The following KCNQ2 variants were observed in gnomAD, a reference collection of about 807,000 sequenced individuals.
The protein encoded by KCNQ2 is potassium voltage-gated channel subfamily KQT member 2.
Under a neutral mutation model 84.8 loss-of-function variants are expected in KCNQ2, and 14 were observed. The observed-to-expected ratio is 0.17, with a 90% confidence interval of 0.11 to 0.26. KCNQ2 has a LOEUF of 0.26. Among genes scored for constraint, KCNQ2 ranks in the 10% least tolerant of loss-of-function variants. The pLI is 1.00. For missense variants in KCNQ2, 788 were observed against 1,254.0 expected (o/e 0.63, Z 5.61); for synonymous variants, 599 against 554.1 (o/e 1.08, Z -1.14).
At position 63,408,334 on chromosome 20, in the gene KCNQ2, T is replaced by TGAAGCCCACACTGC. The variant is rs1333093062; in HGVS notation, c.1887+65_1887+78dup. The TGAAGCCCACACTGC allele has an allele frequency of 6.4e-7, 1 of 1,573,542 alleles. No homozygotes were observed. Among genetic ancestry groups the TGAAGCCCACACTGC allele is most frequent in the Non-Finnish European group, 8.6e-7 (1 of 1,160,256 alleles). On this transcript the variant is annotated intron_variant, in intron 16 of 16. Coordinates refer to ENST00000359125, the MANE Select transcript of KCNQ2 (RefSeq NM_172107.4). The surrounding 1 kb of genome is among the most constrained non-coding windows in gnomAD (Gnocchi z 5.0). ...GGAGCCCTCCGTGGCACCCAGCCCC[T>TGAAGCCCACACTGC]GAAGCCCACACTGCCACAGGTTGAC...
intron 1 of KCNQ2, chr20:63,449,439 CA>C (rs1301461994): frequency 6.6e-6 from 1 of 152,364 alleles, no homozygotes; most frequent in African/African-American, 2.4e-5. Flanking sequence ...GGCTGTGACA[CA>C]AGCTGCCACG....
chr20:63,465,951 A>T (rs1371424170), intron 1 of KCNQ2, among the ~76,000 whole-genome samples: 1 of 151,982 alleles, frequency 6.6e-6, no homozygotes, highest in African/African-American at 2.4e-5. Context: ...TGCCGTCCCG[A>T]GGCGGCCCGG....
At position 63,472,107 on chromosome 20, in the gene KCNQ2, G is replaced by C. The variant is rs549069707; in HGVS notation, c.296+61C>G. ...CGCAGCCAGCCTGGCCGGGGTCGCC[G>C]ATGGGGTCGCCGATGGGGGTCGCCA... On this transcript the variant is annotated intron_variant, in intron 1 of 16. Coordinates refer to ENST00000359125, the MANE Select transcript of KCNQ2 (RefSeq NM_172107.4). The C allele has an allele frequency of 9.1e-4, 1,169 of 1,278,868 alleles. 4 individuals are homozygous for C. The highest frequency in any genetic ancestry group is 3.6e-3 in the Middle Eastern group (17 of 4,762). 79.2% of individuals were successfully genotyped at this position (1,278,868 alleles called of 1,614,324 possible). A position where few individuals can be genotyped will look rare whatever the true frequency, so the allele number is the denominator to read the frequency against.
At position 63,442,395 on chromosome 20, in the gene KCNQ2, C is replaced by T. The variant is rs779253290; in HGVS notation, c.816+11G>A. 37 of 1,613,710 alleles carry T rather than the reference C, an allele frequency of 2.3e-5. No individual in the cohort carries two copies. The highest frequency in any genetic ancestry group is 3.0e-5 in the Non-Finnish European group (35 of 1,179,950). On this transcript the variant is annotated intron_variant, in intron 5 of 16. Coordinates refer to ENST00000359125, the MANE Select transcript of KCNQ2 (RefSeq NM_172107.4). Reference sequence around the variant, plus strand: ...GCAGGGAAAGGGAAAACCACAATGACCACAACTCACCAGGCCCCACCAGAG... The same window carrying T: ...GCAGGGAAAGGGAAAACCACAATGATCACAACTCACCAGGCCCCACCAGAG...
Position 63,438,571 on chromosome 20 carries a change from A to C in KCNQ2, c.1023+54T>G, listed in dbSNP as rs1251376911. The C allele has an allele frequency of 7.3e-6, 11 of 1,505,820 alleles. No homozygotes were observed. The highest frequency in any genetic ancestry group is 1.0e-5 in the Non-Finnish European group (11 of 1,083,408). The allele number at this position is 1,505,820 out of a possible 1,614,324, so 93.3% of individuals were successfully genotyped here. A position where few individuals can be genotyped will look rare whatever the true frequency, so the allele number is the denominator to read the frequency against. On this transcript the variant is annotated intron_variant, in intron 7 of 16. Coordinates refer to ENST00000359125, the MANE Select transcript of KCNQ2 (RefSeq NM_172107.4). The surrounding 1 kb of genome is among the most constrained non-coding windows in gnomAD (Gnocchi z 5.1). The stretch of plus-strand genomic sequence containing the variant: ...GCCCCAGCGGCCTCCACTCCTCAAC[A>C]AGGTGGGACCAGGACAAGGGCTGTG...
chr20:63,412,480 C>T (rs2080149408), intron 15 of KCNQ2, among the ~76,000 whole-genome samples: 1 of 152,188 alleles, frequency 6.6e-6, no homozygotes, highest in African/African-American at 2.4e-5. Context: ...AGCTGGAGCC[C>T]AGCGGGGTGA....
At position 63,406,686 on chromosome 20, in the gene KCNQ2, C is replaced by G; in HGVS notation, c.2577G>C (p.Glu859Asp). The G allele has an allele frequency of 6.2e-7, 1 of 1,604,996 alleles. No homozygotes were observed. The highest frequency in any genetic ancestry group is 8.5e-7 in the Non-Finnish European group (1 of 1,177,600). Residue 859 changes from glutamate to aspartate, a missense_variant, in exon 17 of 17, where the codon GAG becomes GAC. Coordinates refer to ENST00000359125, the MANE Select transcript of KCNQ2 (RefSeq NM_172107.4). Reference protein sequence around the residue: ...CGPPPRSATGEGPFGDVGWAG... With the variant: ...CGPPPRSATGDGPFGDVGWAG... ...CCCAGCCCACGTCACCAAAGGGACC[C>G]TCGCCGGTGGCCGAGCGTGGCGGGG...
At position 63,400,363 on chromosome 20, in the gene KCNQ2, T is replaced by TA. The variant is rs112662386; in HGVS notation, c.*6280dup. The TA allele has an allele frequency of 5.1e-3, 1,852 of 362,952 alleles. 28 individuals carry two copies. The highest frequency in any genetic ancestry group is 0.035 in the African/African-American group (1,699 of 47,978). 22.5% of individuals were successfully genotyped at this position (362,952 alleles called of 1,614,324 possible). On this transcript the variant is annotated 3_prime_UTR_variant, in exon 17 of 17. Coordinates refer to ENST00000359125, the MANE Select transcript of KCNQ2 (RefSeq NM_172107.4). The surrounding 1 kb of genome is among the most constrained non-coding windows in gnomAD (Gnocchi z 8.7). ...CCGCAAACCCGCACTGGCGCATTCT[T>TA]ACGGCTCTGGCATCAACCTGTCCGT...
intron 14 of KCNQ2, 54 bp from the exon 15 acceptor site, chr20:63,413,635 G>T: frequency 1.9e-6 from 3 of 1,608,868 alleles, no homozygotes; most frequent in Non-Finnish European, 2.5e-6. Flanking sequence ...CCCGGCCACA[G>T]GCACCAGGAC....
chr20:63,414,315 C>T lies in KCNQ2; in HGVS notation c.1526-122G>A. 1.4e-6 allele frequency: 1 copy of T among 700,006 alleles called. No individual in the cohort carries two copies. Among genetic ancestry groups the T allele is most frequent in the South Asian group, 1.7e-5 (1 of 60,520 alleles). 43.4% of individuals were successfully genotyped at this position (700,006 alleles called of 1,614,324 possible). A position where few individuals can be genotyped will look rare whatever the true frequency, so the allele number is the denominator to read the frequency against. ...GCCCCTCGAGGCTCCCTGTGGTGCC[C>T]CTCGGGTGCACCTGCTTTTCTGGAA... On this transcript the variant is annotated intron_variant, in intron 13 of 16. Transcript: ENST00000359125. This position sits in a 1 kb window ranked among gnomAD's most constrained non-coding sequence, Gnocchi z 6.6.
At chr20:63,465,510 T>C (rs865991760) in intron 1 of KCNQ2, among the ~76,000 whole-genome samples, 8 of 151,956 alleles carry the variant, frequency 5.3e-5, no homozygotes, top group Middle Eastern at 3.2e-3. Flanking sequence ...CAGAGCCCAC[T>C]AGGGAGGCAG....
At position 63,408,145 on chromosome 20, in the gene KCNQ2, C is replaced by T. The variant is rs1299446972; in HGVS notation, c.1887+268G>A. On this transcript the variant is annotated intron_variant, in intron 16 of 16. Coordinates refer to ENST00000359125, the MANE Select transcript of KCNQ2 (RefSeq NM_172107.4). This position sits in a 1 kb window ranked among gnomAD's most constrained non-coding sequence, Gnocchi z 5.0. ...TTCCACAAGGAACCCCTGAGGGATCCACCTCTCAGCAGCCCCCACCCAGGA... is the reference window on the plus strand; with the variant it reads ...TTCCACAAGGAACCCCTGAGGGATCTACCTCTCAGCAGCCCCCACCCAGGA... 2 of 497,910 alleles carry T rather than the reference C, an allele frequency of 4.0e-6. No individual in the cohort carries two copies. The highest frequency in any genetic ancestry group is 7.4e-6 in the Non-Finnish European group (2 of 271,496). The allele number at this position is 497,910 out of a possible 1,614,324, so 30.8% of individuals were successfully genotyped here.
At position 63,456,095 on chromosome 20, in the gene KCNQ2, C is replaced by G. The variant is rs569136948; in HGVS notation, c.297-9258G>C. ...ACGGGCCCCCCACCTCCGGGAGGCC[C>G]CTCTGCCCACGGGCCCCCCACCTCC... On this transcript the variant is annotated intron_variant, in intron 1 of 16. Transcript: ENST00000359125. Among the ~76,000 whole-genome samples, 191 of 131,992 alleles carry G rather than the reference C, an allele frequency of 1.4e-3. 12 individuals carry two copies. The highest frequency in any genetic ancestry group is 5.4e-3 in the African/African-American group (178 of 32,988). 86.6% of individuals were successfully genotyped at this position (131,992 alleles called of 152,430 possible). A position where few individuals can be genotyped will look rare whatever the true frequency, so the allele number is the denominator to read the frequency against.
At chr20:63,435,895 G>GATC (rs74980506) in intron 7 of KCNQ2, among the ~76,000 whole-genome samples, 1 of 1,028 alleles carries the variant, frequency 9.7e-4, no homozygotes, top group Non-Finnish European at 1.9e-3. Context: ...CTCATCTCTC[G>GATC]AGAGTCCCCC....
At chr20:63,441,973 C>T (rs1568931474) in intron 5 of KCNQ2, among the ~76,000 whole-genome samples, 1 of 152,134 alleles carries the variant, frequency 6.6e-6, no homozygotes, top group African/African-American at 2.4e-5. Context: ...AGGAGGAGCC[C>T]AGGGGCCAGA....
At chr20:63,415,549 C>T (rs1317192131) in intron 12 of KCNQ2, among the ~76,000 whole-genome samples, 8 of 104,894 alleles carry the variant, frequency 7.6e-5, no homozygotes, top group Admixed American at 9.4e-5. Context: ...ACTGAGCACC[C>T]GGCGGGAGGG....
At chr20:63,448,213 T>C (rs2081491904) in intron 1 of KCNQ2, 1 of 152,260 alleles carries the variant, frequency 6.6e-6, no homozygotes, top group Non-Finnish European at 1.5e-5. Flanking sequence ...AGGAAGCAAA[T>C]GCTTTGTCTC....
intron 1 of KCNQ2, among the ~76,000 whole-genome samples, chr20:63,465,058 C>T (rs2082047435): frequency 6.6e-6 from 1 of 152,252 alleles, no homozygotes; most frequent in South Asian, 2.1e-4. Flanking sequence ...ACTGGGAAAC[C>T]TCTGGCCTGG....
intron 1 of KCNQ2, among the ~76,000 whole-genome samples, chr20:63,469,495 C>T (rs1194955912): frequency 6.6e-6 from 1 of 152,262 alleles, no homozygotes; most frequent in Admixed American, 6.5e-5. Context: ...CTGACGCCCA[C>T]CAAGCCCTGG....
Sources: gnomAD v4.1 joint callset for allele counts (sites outside exome capture counted in the v4.1 genomes callset) on GRCh38, gnomAD v4.1.1 for gene constraint, Gnocchi (gnomAD v3.1) non-coding constraint, MANE v1.5 for transcripts, NCBI Gene and HGNC (gene_info 2026-07-23, HGNC 2026-07-21) for gene names.